METTL6: variants seen among roughly 807,000 people sequenced by gnomAD.
The protein encoded by METTL6 is tRNA N(3)-cytidine methyltransferase METTL6.
Under a neutral mutation model 26.4 loss-of-function variants are expected in METTL6, and 22 were observed. That is an observed-to-expected ratio of 0.83 (90% CI 0.59 to 1.19). The LOEUF (loss-of-function observed/expected upper bound fraction) is 1.19, where lower values mean the gene tolerates loss of function less well. Among genes scored for constraint, METTL6 ranks in the 50% most tolerant of loss-of-function variants. The pLI, the probability that METTL6 is intolerant of heterozygous loss-of-function variation, is 0.00. For missense variants in METTL6, 304 were observed against 324.8 expected (o/e 0.94, Z 0.49); for synonymous variants, 109 against 116.2 (o/e 0.94, Z 0.40).
intron 6 of METTL6, among the ~76,000 whole-genome samples, chr3:15,396,073 A>G (rs1289014742): frequency 1.3e-5 from 2 of 152,180 alleles, no homozygotes; most frequent in East Asian, 1.9e-4. Flanking sequence ...TCTCCTGGAT[A>G]ATATCCTGCA....
intron 3 of METTL6, among the ~76,000 whole-genome samples, chr3:15,416,632 T>G (rs1422556824): frequency 6.6e-6 from 1 of 152,218 alleles, no homozygotes; most frequent in African/African-American, 2.4e-5. Flanking sequence ...CTAATTCCCC[T>G]TGATGAGATG....
intron 6 of METTL6, among the ~76,000 whole-genome samples, chr3:15,391,662 C>A (rs1699351889): frequency 8.9e-6 from 1 of 112,422 alleles, no homozygotes; most frequent in Non-Finnish European, 1.7e-5. Context: ...CCCCACCCCA[C>A]AATAGGCCCC....
chr3:15,384,076 C>A, exon 7 of METTL6: 2 of 385,936 alleles, frequency 5.2e-6, no homozygotes, highest in East Asian at 1.1e-4. Context: ...GGTTGAGGTA[C>A]TATACTGAAA....
intron 4 of METTL6, chr3:15,415,054 A>C: frequency 1.1e-6 from 1 of 917,398 alleles, no homozygotes; most frequent in Non-Finnish European, 1.4e-6. Flanking sequence ...AAACAAACAA[A>C]CAAACAAACA....
chr3:15,406,623 TATATATAG>T (rs1216863080), downstream of METTL6, among the ~76,000 whole-genome samples: 79 of 39,752 alleles, frequency 2.0e-3, 1 homozygote, highest in Non-Finnish European at 2.3e-3. Context: ...TATATATATA[TATATATAG>T]AGAGAGAGAG....
chr3:15,406,619 TATATATATATAGAGAGAG>T (rs1326667398), downstream of METTL6, among the ~76,000 whole-genome samples: 73 of 43,432 alleles, frequency 1.7e-3, no homozygotes, highest in African/African-American at 6.6e-3. Context: ...TATATATATA[TATATATATATAGAGAGAG>T]AGAGAGAGAG....
chr3:15,418,281 G>A (rs1299984668), intron 3 of METTL6, among the ~76,000 whole-genome samples: 2 of 152,162 alleles, frequency 1.3e-5, no homozygotes, highest in Non-Finnish European at 2.9e-5. Context: ...TGATTAAAAT[G>A]CTAAAGACTC....
chr3:15,408,949 G>A (rs1559487053), downstream of METTL6, among the ~76,000 whole-genome samples: 2 of 152,106 alleles, frequency 1.3e-5, no homozygotes, highest in African/African-American at 2.4e-5. Context: ...TTCATTTGGC[G>A]GAGGGGGCTT....
intron 3 of METTL6, among the ~76,000 whole-genome samples, chr3:15,419,993 C>CT (rs1186072580): frequency 1.3e-5 from 2 of 151,790 alleles, no homozygotes; most frequent in African/African-American, 4.8e-5. Flanking sequence ...TCCCGAGTAG[C>CT]TGGGACTACA....
At chr3:15,399,319 C>G (rs1259921823) in intron 6 of METTL6, 3 of 151,898 alleles carry the variant, frequency 2.0e-5, no homozygotes, top group African/African-American at 7.3e-5. Context: ...ACTATGCCTA[C>G]AGAGTAGCCA....
At chr3:15,395,919 C>T (rs1392438304) in intron 6 of METTL6, among the ~76,000 whole-genome samples, 2 of 152,106 alleles carry the variant, frequency 1.3e-5, no homozygotes, top group East Asian at 3.9e-4. Flanking sequence ...TCTCTGGCTG[C>T]CCTTAACATT....
rs867119640 is a variant in METTL6 at position 15,415,006 on chromosome 3, C to T, written c.531+766G>A. 1.8e-5 allele frequency: 20 copies of T among 1,096,452 alleles called. 2 individuals carry two copies. In the Middle Eastern group the frequency reaches 5.1e-3, roughly 278 times the overall value. The allele number at this position is 1,096,452 out of a possible 1,614,324, so 67.9% of individuals were successfully genotyped here. On this transcript the variant is annotated intron_variant, in intron 4 of 5. Transcript: ENST00000383790. ...TTTCTTGCAACATTTTATTCACCATCTCCTAGTACTCAAACTGTATTCAAC... is the reference window on the plus strand; with the variant it reads ...TTTCTTGCAACATTTTATTCACCATTTCCTAGTACTCAAACTGTATTCAAC...
chr3:15,413,691 T>G, intron 5 of METTL6: 5 of 1,238,850 alleles, frequency 4.0e-6, no homozygotes, highest in Non-Finnish European at 5.1e-6. Flanking sequence ...TTTGCTTTAT[T>G]TTTAACTGGA....
intron 6 of METTL6, among the ~76,000 whole-genome samples, chr3:15,401,875 T>C (rs1313275506): frequency 6.6e-6 from 1 of 152,190 alleles, no homozygotes; most frequent in African/African-American, 2.4e-5. Context: ...GATCAAGAAA[T>C]AACTATAAGT....
intron 6 of METTL6, among the ~76,000 whole-genome samples, chr3:15,388,966 A>C (rs1329631818): frequency 6.6e-6 from 1 of 151,518 alleles, no homozygotes; most frequent in Admixed American, 6.6e-5. Flanking sequence ...TGGTGGTTTC[A>C]CTCCTGCCTC....
At chr3:15,394,596 T>C (rs1424133369) in intron 6 of METTL6, among the ~76,000 whole-genome samples, 1 of 152,256 alleles carries the variant, frequency 6.6e-6, no homozygotes, top group Non-Finnish European at 1.5e-5. Flanking sequence ...CGTTAGGGTG[T>C]CAATTTTAGA....
chr3:15,406,627 TATAGAGAG>T (rs1473295691), downstream of METTL6, among the ~76,000 whole-genome samples: 3 of 31,046 alleles, frequency 9.7e-5, no homozygotes, highest in Non-Finnish European at 1.6e-4. Flanking sequence ...TATATATATA[TATAGAGAG>T]AGAGAGAGAG....
At chr3:15,417,088 C>T (rs1700237660) in intron 3 of METTL6, among the ~76,000 whole-genome samples, 1 of 152,114 alleles carries the variant, frequency 6.6e-6, no homozygotes, top group Non-Finnish European at 1.5e-5. Context: ...GAAAGGATCG[C>T]TTGAGTTCAA....
intron 3 of METTL6, among the ~76,000 whole-genome samples, chr3:15,417,452 A>AAAATAAATAAATAAATAAAT (rs35596746): frequency 1.4e-5 from 2 of 142,610 alleles, no homozygotes; most frequent in African/African-American, 2.5e-5. Context: ...CTCTGTCTCA[A>AAAATAAATAAATAAATAAAT]AAATAAATAA....
Sources: allele counts gnomAD v4.1 joint callset (sites outside exome capture counted in the v4.1 genomes callset), GRCh38; gene constraint gnomAD v4.1.1; transcripts MANE v1.5; gene names NCBI Gene and HGNC (gene_info 2026-07-23, HGNC 2026-07-21).